The following GRID2 variants were observed in gnomAD, a reference collection of about 807,000 sequenced individuals.
The protein encoded by GRID2 is glutamate receptor ionotropic, delta-2.
A neutral mutation model predicts 114.8 loss-of-function variants in GRID2; 33 were observed. That is an observed-to-expected ratio of 0.29 (90% CI 0.22 to 0.38). GRID2 has a LOEUF of 0.38. Ranked by LOEUF, GRID2 falls within the 10% of genes least tolerant of loss-of-function variation. GRID2 has a pLI of 1.00. For missense variants in GRID2, 1,184 were observed against 1,257.7 expected (o/e 0.94, Z 0.89); for synonymous variants, 505 against 449.9 (o/e 1.12, Z -1.55).
intron 2 of GRID2, among the ~76,000 whole-genome samples, chr4:92,839,903 G>C (rs924408084): frequency 3.3e-5 from 5 of 152,032 alleles, no homozygotes; most frequent in Non-Finnish European, 5.9e-5. Context: ...TCTGTTCAAT[G>C]CTGAAAGTGG....
intron 8 of GRID2, among the ~76,000 whole-genome samples, chr4:93,391,701 C>G (rs1764867723): frequency 6.6e-6 from 1 of 152,094 alleles, no homozygotes; most frequent in African/African-American, 2.4e-5. Flanking sequence ...CCAAGAGTCA[C>G]AAGTCATTCC....
chr4:92,630,963 G>A (rs1284095935), intron 2 of GRID2, among the ~76,000 whole-genome samples: 2 of 151,280 alleles, frequency 1.3e-5, no homozygotes, highest in Non-Finnish European at 3.0e-5. Flanking sequence ...CATATTCCAG[G>A]AAGGAACTAT....
chr4:92,650,397 T>C (rs937416588), intron 2 of GRID2, among the ~76,000 whole-genome samples: 2 of 152,040 alleles, frequency 1.3e-5, no homozygotes, highest in African/African-American at 4.8e-5. Context: ...TTTGGGTTGT[T>C]GTAGTTTTCA....
intron 2 of GRID2, among the ~76,000 whole-genome samples, chr4:92,671,357 T>A (rs938235670): frequency 1.3e-5 from 2 of 152,092 alleles, no homozygotes; most frequent in Admixed American, 1.3e-4. Flanking sequence ...ACATGAGATT[T>A]TGGTGGGGAC....
At chr4:92,381,427 TTTC>T (rs1729613115) in intron 1 of GRID2, among the ~76,000 whole-genome samples, 1 of 152,066 alleles carries the variant, frequency 6.6e-6, no homozygotes, top group Admixed American at 6.6e-5. Flanking sequence ...TGATGACAAA[TTTC>T]TTCCTGATCC....
chr4:93,573,116 C>T (rs564726099), intron 13 of GRID2, among the ~76,000 whole-genome samples: 28 of 152,214 alleles, frequency 1.8e-4, no homozygotes, highest in African/African-American at 6.3e-4. Flanking sequence ...ATATAAATTA[C>T]ATATCAGGCT....
chr4:93,504,977 C>A (rs533789936), intron 12 of GRID2, among the ~76,000 whole-genome samples: 3 of 151,994 alleles, frequency 2.0e-5, no homozygotes, highest in Non-Finnish European at 2.9e-5. Context: ...AGGTATTGTC[C>A]ATTTTCATTG....
intron 9 of GRID2, among the ~76,000 whole-genome samples, chr4:93,396,299 G>A (rs765734089): frequency 2.0e-5 from 3 of 151,980 alleles, no homozygotes; most frequent in Non-Finnish European, 4.4e-5. Flanking sequence ...ATCATCTAGT[G>A]ATTCTGTGAA....
chr4:92,831,419 G>A (rs1296547646), intron 2 of GRID2, among the ~76,000 whole-genome samples: 1 of 151,014 alleles, frequency 6.6e-6, no homozygotes, highest in Non-Finnish European at 1.5e-5. Flanking sequence ...TAAATGATTG[G>A]AGATCCAGCT....
intron 1 of GRID2, among the ~76,000 whole-genome samples, chr4:92,442,417 C>T (rs949655003): frequency 6.6e-6 from 1 of 151,984 alleles, no homozygotes. Context: ...AGATTTCCGG[C>T]AAGTGTAGCA....
Position 92,318,092 on chromosome 4 carries a change from G to A in GRID2, c.88+13348G>A, listed in dbSNP as rs1320186760. Among the ~76,000 whole-genome samples the A allele has an allele frequency of 2.6e-5, 4 of 152,002 alleles. No homozygotes were observed. The South Asian group carries it at 6.2e-4, about 24-fold the overall frequency. On this transcript the variant is annotated intron_variant, in intron 1 of 15. Coordinates refer to ENST00000282020, the MANE Select transcript of GRID2 (RefSeq NM_001510.4). ...CTGTTGATGGTATATTATAGACCAT[G>A]AAGAGGAATTTGAATATTGCACTCT...
rs190431919 is a variant in GRID2 at position 92,875,124 on chromosome 4, A to G, written c.245-209871A>G. Among the ~76,000 whole-genome samples the G allele has an allele frequency of 4.0e-4, 59 of 149,168 alleles. 1 individual carries two copies. The highest frequency in any genetic ancestry group is 7.4e-4 in the Non-Finnish European group (50 of 67,472). On this transcript the variant is annotated intron_variant, in intron 2 of 15. Coordinates refer to ENST00000282020, the MANE Select transcript of GRID2 (RefSeq NM_001510.4). ...AGAGGTAGCAACTGAAGGATAATTC[A>G]TGAAACTAAATATTAACTCAAAAGG...
At chr4:93,318,391 G>C (rs1030714488) in intron 8 of GRID2, among the ~76,000 whole-genome samples, 9 of 151,948 alleles carry the variant, frequency 5.9e-5, no homozygotes, top group Non-Finnish European at 1.3e-4. Flanking sequence ...TTCCAAAGAA[G>C]CCATTGTTTT....
intron 11 of GRID2, 130 bp from the exon 12 acceptor site, chr4:93,490,509 G>T: frequency 6.6e-6 from 4 of 610,658 alleles, no homozygotes; most frequent in South Asian, 2.2e-5. Flanking sequence ...AAAATATAGA[G>T]ATCTATGTTG....
intron 8 of GRID2, among the ~76,000 whole-genome samples, chr4:93,311,017 A>G (rs922316753): frequency 1.2e-4 from 18 of 152,186 alleles, no homozygotes; most frequent in African/African-American, 4.1e-4. Context: ...TGGAACTCAG[A>G]GGGTTAGTAT....
At chr4:93,594,268 T>G (rs1299003416) in intron 13 of GRID2, among the ~76,000 whole-genome samples, 2 of 152,140 alleles carry the variant, frequency 1.3e-5, no homozygotes, top group African/African-American at 4.8e-5. Context: ...GTTTTCCTTC[T>G]AACACACAGG....
intron 1 of GRID2, among the ~76,000 whole-genome samples, chr4:92,366,081 CTA>C (rs917634594): frequency 2.6e-5 from 4 of 152,072 alleles, no homozygotes; most frequent in East Asian, 3.9e-4. Context: ...CTTATAGACA[CTA>C]TGTCTTTTTT....
intron 2 of GRID2, among the ~76,000 whole-genome samples, chr4:92,932,752 AG>A (rs1432679298): frequency 6.6e-6 from 1 of 151,374 alleles, no homozygotes; most frequent in Non-Finnish European, 1.5e-5. Context: ...AAACGAATGC[AG>A]GCAAAATGTG....
chr4:93,111,950 ATT>A (rs1297771256), intron 4 of GRID2: 1 of 152,092 alleles, frequency 6.6e-6, no homozygotes, highest in Non-Finnish European at 1.5e-5. Flanking sequence ...AAAATTTTTC[ATT>A]TTAATAGGAA....
Sources: gnomAD v4.1 joint callset for allele counts (sites outside exome capture counted in the v4.1 genomes callset) on GRCh38, gnomAD v4.1.1 for gene constraint, MANE v1.5 for transcripts, NCBI Gene and HGNC (gene_info 2026-07-23, HGNC 2026-07-21) for gene names.